The following EME2 variants were observed in gnomAD, a reference collection of about 807,000 sequenced individuals.
EME2 encodes structure-specific endonuclease subunit EME2.
EME2 carries 58 observed loss-of-function variants against 41.9 expected under a neutral mutation model. The ratio of observed to expected loss-of-function variants is 1.38; its 90% confidence interval spans 1.12 to 1.72. The LOEUF is 1.72. Ranked by LOEUF, EME2 falls within the 40% of genes most tolerant of loss-of-function variation. The probability of loss-of-function intolerance (pLI) is 0.00; values close to 1 mark genes in which losing one functional copy is unlikely to be tolerated. For synonymous variants in EME2, 334 were observed against 239.3 expected, an observed-to-expected ratio of 1.40 and a Z score of -3.65; for missense variants, 695 against 541.9, an observed-to-expected ratio of 1.28 and a Z score of -2.81.
chr16:1,774,161 G>C, intron 2 of EME2, 99 bp from the exon 3 acceptor site: 2 of 1,089,706 alleles, frequency 1.8e-6, no homozygotes, highest in Non-Finnish European at 2.8e-6. Flanking sequence ...CCTGGGCTTG[G>C]CTGGGGCCAC....
In EME2 at chr16:1,778,623, A is replaced by G; in HGVS notation, c.*2385A>G. ...GTCCGAGTCGCTGTGCTGGGAGAGA[A>G]GGGCCGGCTGTTACTACCTGTTGCC... is the stretch of plus-strand genomic sequence containing the variant. On this transcript the variant is annotated 3_prime_UTR_variant, in exon 8 of 8. Coordinates refer to ENST00000568449, the MANE Select transcript of EME2 (RefSeq NM_001257370.2). The G allele has an allele frequency of 1.3e-6, 2 of 1,537,020 alleles. No individual in the cohort carries two copies. The highest frequency in any genetic ancestry group is 2.5e-5 in the South Asian group (2 of 81,444).
In EME2 at chr16:1,773,141, G is replaced by A; in HGVS notation, c.-87G>A. 2 of 1,390,782 alleles carry A rather than the reference G, an allele frequency of 1.4e-6. No homozygotes were observed. Among genetic ancestry groups the A allele is most frequent in the South Asian group, 1.6e-5 (1 of 61,990 alleles). The allele number at this position is 1,390,782 out of a possible 1,614,324, so 86.2% of individuals were successfully genotyped here. ...CCATGGCGGGTCCGCGTCCTCAGCG[G>A]TCCGGCCGGAAGTCACCGGAAGAGG... On this transcript the variant is annotated 5_prime_UTR_variant, in exon 1 of 8. Transcript: ENST00000568449.
At chr16:1,773,969 G>A (rs887706885) in intron 2 of EME2, 128 bp downstream of exon 2, 5 of 1,266,926 alleles carry the variant, frequency 3.9e-6, no homozygotes, top group Admixed American at 5.6e-5. Context: ...GTAAAGCAAG[G>A]ATGGAGAACG....
At position 1,776,415 on chromosome 16, in the gene EME2, A is replaced by AG. The variant is rs72526693; in HGVS notation, c.*178dup. 13 of 600,256 alleles carry AG rather than the reference A, an allele frequency of 2.2e-5. No individual in the cohort carries two copies. Among genetic ancestry groups the AG allele is most frequent in the South Asian group, 6.5e-5 (3 of 46,404 alleles). 37.2% of individuals were successfully genotyped at this position (600,256 alleles called of 1,614,324 possible). ...GCAGGGGAAGTTTTAGGTAGCTGGGAGAAGAGGGGCTTCTGGCTGGCAGAT... is the reference window on the plus strand; with the variant it reads ...GCAGGGGAAGTTTTAGGTAGCTGGGAGGAAGAGGGGCTTCTGGCTGGCAGAT... On this transcript the variant is annotated 3_prime_UTR_variant, in exon 8 of 8. Transcript: ENST00000568449.
In EME2 at chr16:1,773,159, G is replaced by A. The variant is rs912341085; in HGVS notation, c.-69G>A. On this transcript the variant is annotated 5_prime_UTR_variant, in exon 1 of 8. Transcript: ENST00000568449. ...CTCAGCGGTCCGGCCGGAAGTCACCGGAAGAGGCCGGTGTCCCAGGCTAAA... is the reference window on the plus strand; with the variant it reads ...CTCAGCGGTCCGGCCGGAAGTCACCAGAAGAGGCCGGTGTCCCAGGCTAAA... 1.3e-5 allele frequency: 18 copies of A among 1,404,340 alleles called. No individual in the cohort carries two copies. Among genetic ancestry groups the A allele is most frequent in the Non-Finnish European group, 1.7e-5 (18 of 1,086,164 alleles). The allele number at this position is 1,404,340 out of a possible 1,614,324, so 87.0% of individuals were successfully genotyped here.
chr16:1,780,806 C>A lies in EME2; in HGVS notation c.*4568C>A, dbSNP rs561088258. On this transcript the variant is annotated 3_prime_UTR_variant, in exon 8 of 8. Transcript: ENST00000568449. ...GGAACGCACTGGTGTGATCACGGCT[C>A]ACTGCAGCCTTGACCTCCCTGGCTC... 2 of 255,520 alleles carry A rather than the reference C, an allele frequency of 7.8e-6. No individual in the cohort carries two copies. Among genetic ancestry groups the A allele is most frequent in the African/African-American group, 4.5e-5 (2 of 44,306 alleles). The allele number at this position is 255,520 out of a possible 1,614,324, so 15.8% of individuals were successfully genotyped here.
rs1188580306 is a variant in EME2 at position 1,773,071 on chromosome 16, G to A, written c.-157G>A. The A allele has an allele frequency of 1.4e-6, 2 of 1,416,354 alleles. No individual in the cohort carries two copies. The highest frequency in any genetic ancestry group is 2.8e-5 in the East Asian group (1 of 35,206). 87.7% of individuals were successfully genotyped at this position (1,416,354 alleles called of 1,614,324 possible). ...AGTTGCTCCCGCAGGGCGCGCACGC[G>A]GCGGGCCAGCTCCGCGATCAGCCGC... On this transcript the variant is annotated 5_prime_UTR_variant, in exon 1 of 8. Transcript: ENST00000568449.
In EME2 at chr16:1,780,387, G is replaced by GC. The variant is rs3834960; in HGVS notation, c.*4152dup. 108,157 of 152,282 alleles carry GC rather than the reference G, an allele frequency of 0.71. 38,625 individuals are homozygous for GC. The highest frequency in any genetic ancestry group is 0.81 in the Middle Eastern group (241 of 296). 9.4% of individuals were successfully genotyped at this position (152,282 alleles called of 1,614,324 possible). A position where few individuals can be genotyped will look rare whatever the true frequency, so the allele number is the denominator to read the frequency against. On this transcript the variant is annotated 3_prime_UTR_variant, in exon 8 of 8. Coordinates refer to ENST00000568449, the MANE Select transcript of EME2 (RefSeq NM_001257370.2). ...CCCCCACCCCTCCCAGCCTCACTGC[G>GC]CCCGTCAGGCCAGGCAGCTGCCCTC...
chr16:1,774,184 T>C (rs1175920519), intron 2 of EME2, 76 bp from the exon 3 acceptor site: 12 of 1,316,588 alleles, frequency 9.1e-6, no homozygotes, highest in Non-Finnish European at 1.1e-5. Flanking sequence ...ACCGCTTTGC[T>C]GCTGGACTGC....
chr16:1,778,231 C>T lies in EME2; in HGVS notation c.*1993C>T. On this transcript the variant is annotated 3_prime_UTR_variant, in exon 8 of 8. Transcript: ENST00000568449. ...GCCCCGGATGGCCGCTGTGCCGCAG[C>T]TGTACTCCATGTGGAAGCTGACCTT... 1 of 1,613,010 alleles carries T rather than the reference C, an allele frequency of 6.2e-7. No homozygotes were observed.
chr16:1,774,406 C>A (rs2042678839), intron 3 of EME2, 54 bp downstream of exon 3: 3 of 1,458,656 alleles, frequency 2.1e-6, no homozygotes, highest in Non-Finnish European at 2.9e-6. Flanking sequence ...GGGTTCCCAG[C>A]CGGGAGGCGC....
In EME2 at chr16:1,778,651, C is replaced by A. The variant is rs943116217; in HGVS notation, c.*2413C>A. The stretch of plus-strand genomic sequence containing the variant: ...GCCGGCTGTTACTACCTGTTGCCCG[C>A]TCTCTACCCTCTCACCCTTGCCCTC... On this transcript the variant is annotated 3_prime_UTR_variant, in exon 8 of 8. Coordinates refer to ENST00000568449, the MANE Select transcript of EME2 (RefSeq NM_001257370.2). 2 of 1,516,658 alleles carry A rather than the reference C, an allele frequency of 1.3e-6. No homozygotes were observed. Among genetic ancestry groups the A allele is most frequent in the Non-Finnish European group, 1.8e-6 (2 of 1,134,882 alleles). 94.0% of individuals were successfully genotyped at this position (1,516,658 alleles called of 1,614,324 possible).
chr16:1,775,258 A>C (rs755070707), intron 4 of EME2, 57 bp from the exon 5 acceptor site: 3 of 1,601,726 alleles, frequency 1.9e-6, no homozygotes, highest in Non-Finnish European at 2.6e-6. Flanking sequence ...GGCAGAGGCC[A>C]AGCTCGGGCA....
rs1318427171 is a variant in EME2, at chr16:1,777,567, T to C, written c.*1329T>C. On this transcript the variant is annotated 3_prime_UTR_variant, in exon 8 of 8. Transcript: ENST00000568449. ...CTGGCACAGCTGAGGCAAGGCAGGG[T>C]GCACGCGCTGGCCCTGCCACTCCAG... The C allele has an allele frequency of 1.5e-6, 2 of 1,333,198 alleles. No homozygotes were observed. The highest frequency in any genetic ancestry group is 2.9e-5 in the African/African-American group (2 of 67,982). 82.6% of individuals were successfully genotyped at this position (1,333,198 alleles called of 1,614,324 possible). A position where few individuals can be genotyped will look rare whatever the true frequency, so the allele number is the denominator to read the frequency against.
chr16:1,774,009 G>A (rs1596846885), intron 2 of EME2, among the ~76,000 whole-genome samples, 168 bp downstream of exon 2: 1 of 152,268 alleles, frequency 6.6e-6, no homozygotes, highest in Non-Finnish European at 1.5e-5. Flanking sequence ...CCGTTCTGCT[G>A]GTATAGAGCC....
chr16:1,772,881 A>G lies in EME2; in HGVS notation c.-347A>G. On this transcript the variant is annotated 5_prime_UTR_variant, in exon 1 of 8. Coordinates refer to ENST00000568449, the MANE Select transcript of EME2 (RefSeq NM_001257370.2). ...CTGCCACAGCCAGGACTTGCGCGTG[A>G]CCAGGCGGCCCAGGCCGAAGAGCGG... 1 of 1,453,470 alleles carries G rather than the reference A, an allele frequency of 6.9e-7. No homozygotes were observed. The highest frequency in any genetic ancestry group is 9.0e-7 in the Non-Finnish European group (1 of 1,110,394). 90.0% of individuals were successfully genotyped at this position (1,453,470 alleles called of 1,614,324 possible). A position where few individuals can be genotyped will look rare whatever the true frequency, so the allele number is the denominator to read the frequency against.
Position 1,777,421 on chromosome 16 carries a change from C to G in EME2, c.*1183C>G, listed in dbSNP as rs554476485. On this transcript the variant is annotated 3_prime_UTR_variant, in exon 8 of 8. Transcript: ENST00000568449. ...ACACCATCGGGTAGAATCTCTTGTT[C>G]TGCAGCTTGGTGGCTGCCACACCTG... The G allele has an allele frequency of 1.2e-5, 18 of 1,543,850 alleles. No homozygotes were observed. In the South Asian group the frequency reaches 2.0e-4, roughly 17 times the overall value.
rs770764582 is a variant in EME2 at position 1,777,315 on chromosome 16, G to A, written c.*1077G>A. ...GAGTCTGGCCGCAGCTGGCGCAGGCGGTGGCAGCACAGGTACTGGAGGGAA... is the reference window on the plus strand; with the variant it reads ...GAGTCTGGCCGCAGCTGGCGCAGGCAGTGGCAGCACAGGTACTGGAGGGAA... On this transcript the variant is annotated 3_prime_UTR_variant, in exon 8 of 8. Coordinates refer to ENST00000568449, the MANE Select transcript of EME2 (RefSeq NM_001257370.2). The A allele has an allele frequency of 1.3e-5, 21 of 1,609,636 alleles. No individual in the cohort carries two copies. Among genetic ancestry groups the A allele is most frequent in the Admixed American group, 6.7e-5 (4 of 59,940 alleles).
Position 1,776,916 on chromosome 16 carries a change from G to C in EME2, c.*678G>C. On this transcript the variant is annotated 3_prime_UTR_variant, in exon 8 of 8. Transcript: ENST00000568449. ...CGCTTCCCCACCCAGCACAGCAGCA[G>C]AGGGGCCCTAGAGCCCCCACAGAAA... is the stretch of plus-strand genomic sequence containing the variant. 1.4e-6 allele frequency: 1 copy of C among 695,928 alleles called. No homozygotes were observed. The highest frequency in any genetic ancestry group is 1.9e-5 in the South Asian group (1 of 51,444). The allele number at this position is 695,928 out of a possible 1,614,324, so 43.1% of individuals were successfully genotyped here.
Sources: allele counts gnomAD v4.1 joint callset (sites outside exome capture counted in the v4.1 genomes callset), GRCh38; gene constraint gnomAD v4.1.1; transcripts MANE v1.5; gene names NCBI Gene and HGNC (gene_info 2026-07-23, HGNC 2026-07-21).